DAG1: variants seen among roughly 807,000 people sequenced by gnomAD.
DAG1 encodes dystroglycan 1.
Under a neutral mutation model 46.1 loss-of-function variants are expected in DAG1, and 8 were observed. The observed-to-expected ratio is 0.17, with a 90% CI of 0.10 to 0.31. The LOEUF (loss-of-function observed/expected upper bound fraction) is 0.31, where lower values mean the gene tolerates loss of function less well. DAG1 is among the 10% of genes least tolerant of loss of function. The pLI is 1.00. For missense variants in DAG1, 1,003 were observed against 1,189.9 expected (o/e 0.84, Z 2.31); for synonymous variants, 495 against 481.8 (o/e 1.03, Z -0.36).
chr3:49,532,522 A>G lies in DAG1; in HGVS notation c.2011A>G (p.Lys671Glu). 1 of 1,614,148 alleles carries G rather than the reference A, an allele frequency of 6.2e-7. No homozygotes were observed. Among genetic ancestry groups the G allele is most frequent in the Non-Finnish European group, 8.5e-7 (1 of 1,179,982 alleles). The change falls in exon 3 of 3, where the codon AAG (lysine) becomes GAG (glutamate). Residue 671 changes from lysine (K) to glutamate (E), a missense_variant. Physicochemically the swap from Lys to Glu is moderately conservative, Grantham distance 56. Coordinates refer to ENST00000308775, the MANE Select transcript of DAG1 (RefSeq NM_004393.6). The surrounding 1 kb of genome is among the most constrained non-coding windows in gnomAD (Gnocchi z 5.4). ...NNTLPLEPCP[K>E]EQIAGLSRRI... is the part of the protein sequence containing the mutation. ...CACACTGCCCTTGGAGCCCTGCCCC[A>G]AGGAGCAGATCGCTGGGCTGAGCCG...
chr3:49,520,667 A>C (rs905007916), intron 2 of DAG1, among the ~76,000 whole-genome samples: 3 of 152,230 alleles, frequency 2.0e-5, no homozygotes, highest in Non-Finnish European at 4.4e-5. Flanking sequence ...AAGGGCTGAC[A>C]TGTCCAGAGG....
chr3:49,526,251 A>C (rs966125460), intron 2 of DAG1, among the ~76,000 whole-genome samples: 1 of 152,220 alleles, frequency 6.6e-6, no homozygotes, highest in Non-Finnish European at 1.5e-5. Context: ...CCCATGATCC[A>C]GTCCCCTCCC....
chr3:49,525,728 T>A lies in DAG1; in HGVS notation c.286-5069T>A, dbSNP rs1021707295. On this transcript the variant is annotated intron_variant, in intron 2 of 2. Coordinates refer to ENST00000308775, the MANE Select transcript of DAG1 (RefSeq NM_004393.6). Reference sequence around the variant, plus strand: ...CGCCCGCCACCTCGCCCCGCTAATTTTTTTTATTTTTAGTAGAGACGGGGT... The same window carrying A: ...CGCCCGCCACCTCGCCCCGCTAATTATTTTTATTTTTAGTAGAGACGGGGT... Among the ~76,000 whole-genome samples the A allele has an allele frequency of 2.0e-5, 3 of 151,656 alleles. No individual in the cohort carries two copies. In the East Asian group the frequency reaches 5.8e-4, roughly 29 times the overall value.
chr3:49,491,698 G>C (rs1430058134), intron 1 of DAG1, among the ~76,000 whole-genome samples: 1 of 151,984 alleles, frequency 6.6e-6, no homozygotes, highest in Non-Finnish European at 1.5e-5. Context: ...GGATGGTCTC[G>C]ATCTCCTGAC....
chr3:49,481,713 G>C (rs2049885478), intron 1 of DAG1, among the ~76,000 whole-genome samples: 2 of 152,246 alleles, frequency 1.3e-5, no homozygotes, highest in Middle Eastern at 3.4e-3. Flanking sequence ...CACTTGGAAG[G>C]ATATGTCGTA....
At position 49,533,460 on chromosome 3, in the gene DAG1, A is replaced by AT. The variant is rs2051428112; in HGVS notation, c.*266dup. On this transcript the variant is annotated 3_prime_UTR_variant, in exon 3 of 3. Coordinates refer to ENST00000308775, the MANE Select transcript of DAG1 (RefSeq NM_004393.6). Reference sequence around the variant, plus strand: ...TTGTTCATAGAGAATTCTTCGCTTCATTTTTGATGGCTGGCTCTGAAAGCA... The same window carrying AT: ...TTGTTCATAGAGAATTCTTCGCTTCATTTTTTGATGGCTGGCTCTGAAAGCA... 1 of 648,284 alleles carries AT rather than the reference A, an allele frequency of 1.5e-6. No individual in the cohort carries two copies. Among genetic ancestry groups the AT allele is most frequent in the South Asian group, 1.5e-5 (1 of 66,200 alleles). The allele number at this position is 648,284 out of a possible 1,614,324, so 40.2% of individuals were successfully genotyped here. A position where few individuals can be genotyped will look rare whatever the true frequency, so the allele number is the denominator to read the frequency against.
At chr3:49,525,319 G>A (rs560087089) in intron 2 of DAG1, among the ~76,000 whole-genome samples, 1 of 152,336 alleles carries the variant, frequency 6.6e-6, no homozygotes, top group East Asian at 1.9e-4. Context: ...CTAGGTTGGA[G>A]AGACTTGGCT....
intron 1 of DAG1, among the ~76,000 whole-genome samples, chr3:49,482,389 G>A (rs1331745780): frequency 6.6e-6 from 1 of 152,154 alleles, no homozygotes; most frequent in East Asian, 1.9e-4. Context: ...GATAGAGGAA[G>A]GCCACTGTCT....
At chr3:49,505,981 CTTTTT>C (rs71080528) in intron 1 of DAG1, among the ~76,000 whole-genome samples, 2 of 128,064 alleles carry the variant, frequency 1.6e-5, no homozygotes, top group Non-Finnish European at 1.7e-5. Flanking sequence ...ATTTTTTTTT[CTTTTT>C]TTTTTTTTTT....
chr3:49,522,464 C>G (rs2051058335), intron 2 of DAG1, among the ~76,000 whole-genome samples: 1 of 135,350 alleles, frequency 7.4e-6, no homozygotes, highest in African/African-American at 2.6e-5. Context: ...ACGCCCGCCC[C>G]CCTCCCACCC....
At chr3:49,514,809 G>A (rs1224328754) in intron 2 of DAG1, among the ~76,000 whole-genome samples, 3 of 142,634 alleles carry the variant, frequency 2.1e-5, no homozygotes, top group Non-Finnish European at 4.5e-5. Flanking sequence ...TGGCATATGT[G>A]TGTGTGTGTG....
At position 49,532,549 on chromosome 3, in the gene DAG1, C is replaced by G; in HGVS notation, c.2038C>G (p.Arg680Gly). 5 of 1,613,442 alleles carry G rather than the reference C, an allele frequency of 3.1e-6. No individual in the cohort carries two copies. Among genetic ancestry groups the G allele is most frequent in the Non-Finnish European group, 4.2e-6 (5 of 1,179,394 alleles). ...PKEQIAGLSRRIAEDDGKPRP... is the reference protein window; with the variant it reads ...PKEQIAGLSRGIAEDDGKPRP... ...GGAGCAGATCGCTGGGCTGAGCCGC[C>G]GGATCGCTGAGGATGATGGAAAACC... Residue 680 changes from arginine (R) to glycine (G), a missense_variant, in exon 3 of 3, where the codon CGG becomes GGG. Arg to Gly is a moderately radical substitution (Grantham distance 125). This residue lies in a region of DAG1 where 755 missense variants were observed against 854.1 expected (regional missense o/e 0.88). Coordinates refer to ENST00000308775, the MANE Select transcript of DAG1 (RefSeq NM_004393.6). This position sits in a 1 kb window ranked among gnomAD's most constrained non-coding sequence, Gnocchi z 5.4.
At position 49,533,302 on chromosome 3, in the gene DAG1, C is replaced by A. The variant is rs569973212; in HGVS notation, c.*103C>A. The A allele has an allele frequency of 1.0e-4, 155 of 1,523,140 alleles. No individual in the cohort carries two copies. The highest frequency in any genetic ancestry group is 1.4e-4 in the Non-Finnish European group (154 of 1,128,942). 94.4% of individuals were successfully genotyped at this position (1,523,140 alleles called of 1,614,324 possible). On this transcript the variant is annotated 3_prime_UTR_variant, in exon 3 of 3. Coordinates refer to ENST00000308775, the MANE Select transcript of DAG1 (RefSeq NM_004393.6). ...CTGCAGACCATTGCCCACCGGGAGC[C>A]GACACCTGACCTAGCACACACTGAC...
rs749334605 is a variant in DAG1 at position 49,533,013 on chromosome 3, G to C, written c.2502G>C (p.Gln834His). Reference sequence around the variant, plus strand: ...TACCCCCTCCTGAGTACCCCAACCAGAGTGTGCCCGAGACCACTCCTCTGA... The same window carrying C: ...TACCCCCTCCTGAGTACCCCAACCACAGTGTGCCCGAGACCACTCCTCTGA... ...APLPPPEYPN[Q>H]SVPETTPLNQ... The change falls in exon 3 of 3, where the codon CAG becomes CAC. Residue 834 changes from glutamine to histidine, a missense_variant. Gln to His is a conservative substitution (Grantham distance 24, BLOSUM62 0). Coordinates refer to ENST00000308775, the MANE Select transcript of DAG1 (RefSeq NM_004393.6). The C allele has an allele frequency of 3.7e-6, 6 of 1,613,956 alleles. No individual in the cohort carries two copies. Among genetic ancestry groups the C allele is most frequent in the African/African-American group, 1.3e-5 (1 of 74,910 alleles).
intron 1 of DAG1, among the ~76,000 whole-genome samples, chr3:49,497,112 A>T (rs2050334049): frequency 6.6e-6 from 1 of 151,668 alleles, no homozygotes; most frequent in Admixed American, 6.6e-5. Flanking sequence ...CAGCCTGGGC[A>T]ACATAGTGAG....
chr3:49,474,182 G>A (rs1397682948), intron 1 of DAG1, among the ~76,000 whole-genome samples: 2 of 152,044 alleles, frequency 1.3e-5, no homozygotes, highest in African/African-American at 2.4e-5. Flanking sequence ...GCCCTCCCGA[G>A]TAGCTGGGAC....
chr3:49,476,960 T>C (rs2106878926), intron 1 of DAG1: 1 of 152,318 alleles, frequency 6.6e-6, no homozygotes, highest in South Asian at 2.1e-4. Flanking sequence ...AATAATCACA[T>C]ACTGGCCAAA....
In DAG1 at chr3:49,533,704, C is replaced by G. The variant is rs1341206594; in HGVS notation, c.*505C>G. The G allele has an allele frequency of 3.5e-6, 1 of 284,938 alleles. No individual in the cohort carries two copies. Among genetic ancestry groups the G allele is most frequent in the South Asian group, 3.3e-5 (1 of 30,020 alleles). The allele number at this position is 284,938 out of a possible 1,614,324, so 17.7% of individuals were successfully genotyped here. A position where few individuals can be genotyped will look rare whatever the true frequency, so the allele number is the denominator to read the frequency against. On this transcript the variant is annotated 3_prime_UTR_variant, in exon 3 of 3. Transcript: ENST00000308775. The stretch of plus-strand genomic sequence containing the variant: ...AGGTTAAGTTTTTACGTTTAATCTG[C>G]TGTTTACCTAAACTTGTATGTATAA...
Position 49,532,668 on chromosome 3 carries a change from C to G in DAG1, c.2157C>G (p.Ile719Met). ...GSGSCRHLQF[I>M]PVVPPRRVPS... ...GCAGTTGTCGGCACCTACAGTTTAT[C>G]CCTGTGGTACCACCCAGGAGAGTGC... The change falls in exon 3 of 3, where the codon ATC (isoleucine) becomes ATG (methionine). Residue 719 changes from isoleucine (I) to methionine (M), a missense_variant. Ile to Met is a conservative substitution (Grantham distance 10, BLOSUM62 1). Around this residue, in one of 3 missense-constraint regions of DAG1, gnomAD observed 755 missense variants for 854.1 expected, o/e 0.88. Coordinates refer to ENST00000308775, the MANE Select transcript of DAG1 (RefSeq NM_004393.6). The surrounding 1 kb of genome is among the most constrained non-coding windows in gnomAD (Gnocchi z 5.4). The G allele has an allele frequency of 6.2e-7, 1 of 1,614,178 alleles. No homozygotes were observed. The highest frequency in any genetic ancestry group is 8.5e-7 in the Non-Finnish European group (1 of 1,180,028).
Sources: allele counts gnomAD v4.1 joint callset (sites outside exome capture counted in the v4.1 genomes callset), GRCh38; gene constraint gnomAD v4.1.1; regional missense constraint gnomAD v4.1.1; non-coding constraint Gnocchi (gnomAD v3.1); transcripts MANE v1.5; gene names NCBI Gene and HGNC (gene_info 2026-07-23, HGNC 2026-07-21).